MGMT: variants seen among roughly 807,000 people sequenced by gnomAD.
The protein encoded by MGMT is O-6-methylguanine-DNA methyltransferase.
MGMT carries 14 observed loss-of-function variants against 15.9 expected under a neutral mutation model. That is an observed-to-expected ratio of 0.88 (90% CI 0.58 to 1.37). MGMT has a LOEUF of 1.37. Among genes scored for constraint, MGMT ranks in the 40% most tolerant of loss-of-function variants. MGMT has a pLI of 0.00. For synonymous variants in MGMT, 130 were observed against 118.2 expected (o/e 1.10, Z -0.65); for missense variants, 282 against 268.1 (o/e 1.05, Z -0.36).
At chr10:129,664,388 C>T (rs1847633958) in intron 2 of MGMT, among the ~76,000 whole-genome samples, 1 of 152,136 alleles carries the variant, frequency 6.6e-6, no homozygotes, top group Non-Finnish European at 1.5e-5. Flanking sequence ...TTTGGGAGAA[C>T]CCCCTGTGAA....
chr10:129,732,466 C>T (rs1848510796), intron 3 of MGMT, among the ~76,000 whole-genome samples: 1 of 151,796 alleles, frequency 6.6e-6, no homozygotes, highest in African/African-American at 2.4e-5. Flanking sequence ...CATCCATGTC[C>T]CTGCAAAGGA....
At chr10:129,471,097 C>T (rs1472514137) in intron 1 of MGMT, among the ~76,000 whole-genome samples, 1 of 152,186 alleles carries the variant, frequency 6.6e-6, no homozygotes, top group Non-Finnish European at 1.5e-5. Context: ...AGTCCACCAG[C>T]GGCGTGGCTT....
chr10:129,576,856 A>C (rs924708214), intron 2 of MGMT, among the ~76,000 whole-genome samples: 1 of 152,230 alleles, frequency 6.6e-6, no homozygotes, highest in Admixed American at 6.5e-5. Context: ...TACAAAATCA[A>C]TGTGCAAAAA....
chr10:129,547,098 A>G (rs1006670637), intron 2 of MGMT, among the ~76,000 whole-genome samples: 3 of 152,192 alleles, frequency 2.0e-5, no homozygotes, highest in Non-Finnish European at 4.4e-5. Flanking sequence ...TTCTTCTGAC[A>G]AGGACGTTTG....
chr10:129,742,647 G>A (rs1345049530), intron 3 of MGMT, among the ~76,000 whole-genome samples: 2 of 148,202 alleles, frequency 1.3e-5, no homozygotes, highest in Non-Finnish European at 3.0e-5. Flanking sequence ...CAGGGCCGGG[G>A]CATTCAGCAG....
intron 2 of MGMT, among the ~76,000 whole-genome samples, chr10:129,635,396 C>T (rs1194253840): frequency 1.3e-5 from 2 of 152,244 alleles, no homozygotes; most frequent in African/African-American, 4.8e-5. Flanking sequence ...TCCTGTGTGC[C>T]CCTCCGGGTG....
At position 129,621,247 on chromosome 10, in the gene MGMT, C is replaced by T. The variant is rs138296281; in HGVS notation, c.125+84870C>T. Among the ~76,000 whole-genome samples the T allele has an allele frequency of 3.9e-4, 60 of 152,332 alleles. 1 individual carries two copies. The highest frequency in any genetic ancestry group is 1.2e-3 in the African/African-American group (51 of 41,578). ...CTACATTGAAAATGGTGTTCTGTGA[C>T]GTCACATGCAATGCAAGACCTTCAC... On this transcript the variant is annotated intron_variant, in intron 2 of 4. Transcript: ENST00000651593.
intron 1 of MGMT, among the ~76,000 whole-genome samples, chr10:129,499,655 A>G (rs1225135325): frequency 6.6e-6 from 1 of 152,218 alleles, no homozygotes. Context: ...AATTCATTCG[A>G]TGAACCTAAA....
intron 3 of MGMT, among the ~76,000 whole-genome samples, chr10:129,740,043 A>G (rs1310395426): frequency 6.6e-6 from 1 of 152,238 alleles, no homozygotes; most frequent in African/African-American, 2.4e-5. Flanking sequence ...ATCAACAGTC[A>G]TTAAAGGGAA....
Position 129,754,603 on chromosome 10 carries a change from A to G in MGMT, c.275-4599A>G, listed in dbSNP as rs772112676. Among the ~76,000 whole-genome samples, 120 of 152,330 alleles carry G rather than the reference A, an allele frequency of 7.9e-4. 1 individual carries two copies. The highest frequency in any genetic ancestry group is 3.4e-3 in the Middle Eastern group (1 of 294). On this transcript the variant is annotated intron_variant, in intron 3 of 4. Coordinates refer to ENST00000651593, the MANE Select transcript of MGMT (RefSeq NM_002412.5). Reference sequence around the variant, plus strand: ...TTTCTGCTGCTATAACAACACTGCCATCTAGGTAATTGATAAAGAATAGGA... The same window carrying G: ...TTTCTGCTGCTATAACAACACTGCCGTCTAGGTAATTGATAAAGAATAGGA...
chr10:129,571,537 A>G (rs1554913012), intron 2 of MGMT, among the ~76,000 whole-genome samples: 1 of 152,216 alleles, frequency 6.6e-6, no homozygotes, highest in Non-Finnish European at 1.5e-5. Context: ...GGAAAAATCA[A>G]GGAGGCAATC....
rs556397680 is a variant in MGMT at position 129,588,124 on chromosome 10, C to T, written c.125+51747C>T. ...GGATTGTAAGAGGAGAGATCATGGCCGGGGACTCATGGCTAGACAAAAAAC... is the reference window on the plus strand; with the variant it reads ...GGATTGTAAGAGGAGAGATCATGGCTGGGGACTCATGGCTAGACAAAAAAC... On this transcript the variant is annotated intron_variant, in intron 2 of 4. Coordinates refer to ENST00000651593, the MANE Select transcript of MGMT (RefSeq NM_002412.5). Among the ~76,000 whole-genome samples the T allele has an allele frequency of 4.6e-5, 7 of 152,224 alleles. No individual in the cohort carries two copies. The East Asian group carries it at 7.7e-4, about 17-fold the overall frequency.
At chr10:129,712,825 C>T (rs943076166) in intron 3 of MGMT, among the ~76,000 whole-genome samples, 2 of 152,196 alleles carry the variant, frequency 1.3e-5, no homozygotes, top group Non-Finnish European at 2.9e-5. Flanking sequence ...CCCCCTACAA[C>T]CCCATCCTGC....
At chr10:129,544,130 T>TG (rs1564847553) in intron 2 of MGMT, among the ~76,000 whole-genome samples, 1 of 152,222 alleles carries the variant, frequency 6.6e-6, no homozygotes, top group African/African-American at 2.4e-5. Context: ...GCAGCTTTTC[T>TG]GGGGAGATCA....
intron 2 of MGMT, among the ~76,000 whole-genome samples, chr10:129,575,567 C>T (rs1436145292): frequency 1.3e-5 from 2 of 148,318 alleles, no homozygotes; most frequent in African/African-American, 5.0e-5. Context: ...CACTAAATGC[C>T]CACAAGAGAA....
intron 1 of MGMT, among the ~76,000 whole-genome samples, chr10:129,525,125 C>T (rs544524148): frequency 6.6e-6 from 1 of 152,128 alleles, no homozygotes; most frequent in South Asian, 2.1e-4. Context: ...ATTTCTTTCA[C>T]ACACACACAC....
chr10:129,766,603 G>T (rs1057037237), intron 4 of MGMT, among the ~76,000 whole-genome samples, 185 bp from the exon 5 acceptor site: 2 of 152,170 alleles, frequency 1.3e-5, no homozygotes, highest in Admixed American at 1.3e-4. Flanking sequence ...GGGACTCAAG[G>T]GCCTCAGGGG....
Position 129,638,429 on chromosome 10 carries a change from C to CAAAAAAAAAAAAAAA in MGMT, c.126-69464_126-69450dup. 3.0e-3 allele frequency among the ~76,000 whole-genome samples: 183 copies of CAAAAAAAAAAAAAAA among 61,716 alleles called. 17 individuals carry two copies. The highest frequency in any genetic ancestry group is 3.4e-3 in the African/African-American group (64 of 19,056). The allele number at this position is 61,716 out of a possible 152,430, so 40.5% of individuals were successfully genotyped here. A position where few individuals can be genotyped will look rare whatever the true frequency, so the allele number is the denominator to read the frequency against. On this transcript the variant is annotated intron_variant, in intron 2 of 4. Transcript: ENST00000651593. The stretch of plus-strand genomic sequence containing the variant: ...GAAGTCCAAGAGAGGACCAAAGAGG[C>CAAAAAAAAAAAAAAA]AAAAAAAAAAAAAAAAGAAAAAAAA...
At position 129,767,646 on chromosome 10, in the gene MGMT, C is replaced by CG. The variant is rs1848954694; in HGVS notation, c.*652dup. 1 of 152,308 alleles carries CG rather than the reference C, an allele frequency of 6.6e-6. No homozygotes were observed. The highest frequency in any genetic ancestry group is 2.4e-5 in the African/African-American group (1 of 41,468). 9.4% of individuals were successfully genotyped at this position (152,308 alleles called of 1,614,324 possible). A position where few individuals can be genotyped will look rare whatever the true frequency, so the allele number is the denominator to read the frequency against. ...GGAAAGACAGAGAGCTCTCTGGACACGGGTTCGATGGAGCTTGCACCTCTC... is the reference window on the plus strand; with the variant it reads ...GGAAAGACAGAGAGCTCTCTGGACACGGGGTTCGATGGAGCTTGCACCTCTC... On this transcript the variant is annotated 3_prime_UTR_variant, in exon 5 of 5. Coordinates refer to ENST00000651593, the MANE Select transcript of MGMT (RefSeq NM_002412.5).
Sources: allele counts gnomAD v4.1 joint callset (sites outside exome capture counted in the v4.1 genomes callset), GRCh38; gene constraint gnomAD v4.1.1; transcripts MANE v1.5; gene names NCBI Gene and HGNC (gene_info 2026-07-23, HGNC 2026-07-21).